SCARF2: variants seen among roughly 807,000 people sequenced by gnomAD.
The protein encoded by SCARF2 is scavenger receptor class F member 2.
Under a neutral mutation model 73.4 loss-of-function variants are expected in SCARF2, and 39 were observed. The observed-to-expected ratio is 0.53, with a 90% CI of 0.41 to 0.69. The LOEUF is 0.69. Among genes scored for constraint, SCARF2 ranks in the 30% least tolerant of loss-of-function variants. SCARF2 has a pLI of 0.00. For missense variants in SCARF2, 1,148 were observed against 1,303.5 expected (o/e 0.88, Z 1.84); for synonymous variants, 605 against 590.0 (o/e 1.03, Z -0.37).
chr22:20,425,833 G>C lies in SCARF2; in HGVS notation c.2143C>G (p.Arg715Gly), dbSNP rs1300880708. ...GGCCGCGGCGTTGGGTCGCGGGTCCGGGGGCTGCCGTGTTCGACCGTATGC... is the reference window on the plus strand; with the variant it reads ...GGCCGCGGCGTTGGGTCGCGGGTCCCGGGGCTGCCGTGTTCGACCGTATGC... ...SAHTVEHGSP[R>G]TRDPTPRPPG... The change falls in exon 11 of 11, where the codon CGG becomes GGG. Residue 715 changes from arginine to glycine, a missense_variant. Physicochemically the swap from Arg to Gly is moderately radical, Grantham distance 125 (BLOSUM62 -2). Around this residue, in one of 5 missense-constraint regions of SCARF2, gnomAD observed 437 missense variants for 433.6 expected, o/e 1.01. Coordinates refer to ENST00000622235, the MANE Select transcript of SCARF2 (RefSeq NM_182895.5). The surrounding 1 kb of genome is among the most constrained non-coding windows in gnomAD (Gnocchi z 4.6). The C allele has an allele frequency of 1.9e-6, 3 of 1,564,064 alleles. No homozygotes were observed. Among genetic ancestry groups the C allele is most frequent in the Admixed American group, 1.8e-5 (1 of 55,794 alleles).
chr22:20,437,314 GAT>G (rs1305939933), intron 1 of SCARF2, among the ~76,000 whole-genome samples: 1 of 152,180 alleles, frequency 6.6e-6, no homozygotes, highest in Non-Finnish European at 1.5e-5. Context: ...GGTCTTTCCT[GAT>G]ATCCCGGACA....
chr22:20,425,380 G>T lies in SCARF2; in HGVS notation c.2596C>A (p.Leu866Met). 1.4e-6 allele frequency: 2 copies of T among 1,424,822 alleles called. No homozygotes were observed. The highest frequency in any genetic ancestry group is 1.8e-6 in the Non-Finnish European group (2 of 1,085,734). 88.3% of individuals were successfully genotyped at this position (1,424,822 alleles called of 1,614,324 possible). A position where few individuals can be genotyped will look rare whatever the true frequency, so the allele number is the denominator to read the frequency against. The change falls in exon 11 of 11, where the codon CTG (leucine) becomes ATG (methionine). Residue 866 changes from leucine (L) to methionine (M), a missense_variant. Around this residue, in one of 5 missense-constraint regions of SCARF2, gnomAD observed 169 missense variants for 136.9 expected, o/e 1.23. Transcript: ENST00000622235. This position sits in a 1 kb window ranked among gnomAD's most constrained non-coding sequence, Gnocchi z 4.6. ...GELGRAGAPT[L>M] ...CGCGGACGAGCCACAGCCTGCTACA[G>T]GGTGGGTGCGCCCGCCCTGCCCAGC...
Position 20,431,797 on chromosome 22 carries a change from C to T in SCARF2, c.282G>A (p.Arg94=). The T allele has an allele frequency of 6.3e-7, 1 of 1,596,348 alleles. No individual in the cohort carries two copies. Among genetic ancestry groups the T allele is most frequent in the Non-Finnish European group, 8.5e-7 (1 of 1,172,738 alleles). The change falls in exon 3 of 11, where the codon AGG becomes AGA. Residue 94 remains arginine, a synonymous_variant. Transcript: ENST00000622235. ...STCSENEVCV[R]PGECRCRHGY... The stretch of plus-strand genomic sequence containing the variant: ...CGTGGCGGCAGCGGCACTCGCCAGG[C>T]CTCACGCACACCTCGTTCTCTGAGC...
At chr22:20,432,497 G>C (rs2052660403) in intron 1 of SCARF2, among the ~76,000 whole-genome samples, 1 of 152,172 alleles carries the variant, frequency 6.6e-6, no homozygotes, top group Non-Finnish European at 1.5e-5. Flanking sequence ...CTCCAGTGGG[G>C]AGGGGCAGCC....
chr22:20,431,076 C>T lies in SCARF2; in HGVS notation c.796G>A (p.Gly266Ser). 6.5e-7 allele frequency: 1 copy of T among 1,547,580 alleles called. No homozygotes were observed. Among genetic ancestry groups the T allele is most frequent in the South Asian group, 1.2e-5 (1 of 85,174 alleles). ...GTCACEPGYR[G>S]KYCREPCPAG... Reference sequence around the variant, plus strand: ...GGGCACGGCTCGCGACAGTACTTGCCGCGGTAGCCCGGCTCGCAGGCACAC... The same window carrying T: ...GGGCACGGCTCGCGACAGTACTTGCTGCGGTAGCCCGGCTCGCAGGCACAC... The change falls in exon 4 of 11, where the codon GGC becomes AGC. Residue 266 changes from glycine (G) to serine (S), a missense_variant. Physicochemically the swap from Gly to Ser is moderately conservative, Grantham distance 56. Around this residue, in one of 5 missense-constraint regions of SCARF2, gnomAD observed 372 missense variants for 532.0 expected, o/e 0.70. Transcript: ENST00000622235.
chr22:20,425,347 G>T lies in SCARF2; in HGVS notation c.*28C>A. 1 of 1,364,878 alleles carries T rather than the reference G, an allele frequency of 7.3e-7. No homozygotes were observed. Among genetic ancestry groups the T allele is most frequent in the African/African-American group, 1.5e-5 (1 of 66,718 alleles). 84.5% of individuals were successfully genotyped at this position (1,364,878 alleles called of 1,614,324 possible). A position where few individuals can be genotyped will look rare whatever the true frequency, so the allele number is the denominator to read the frequency against. On this transcript the variant is annotated 3_prime_UTR_variant, in exon 11 of 11. Transcript: ENST00000622235. This position sits in a 1 kb window ranked among gnomAD's most constrained non-coding sequence, Gnocchi z 4.6. ...GGCGGGCGGCGCTGCGAAGCTGAGG[G>T]AGCTGCGCGCGGACGAGCCACAGCC...
At chr22:20,430,619 C>T in intron 5 of SCARF2, 62 bp from the exon 6 acceptor site, 1 of 1,608,388 alleles carries the variant, frequency 6.2e-7, no homozygotes. Flanking sequence ...GCGCCCTCGA[C>T]ATTGGGGCCT....
intron 1 of SCARF2, 29 bp from the exon 2 acceptor site, chr22:20,432,017 C>G: frequency 1.3e-6 from 2 of 1,594,440 alleles, no homozygotes; most frequent in Non-Finnish European, 1.7e-6. Context: ...CATCTAAGCC[C>G]GATGCCCCTC....
At position 20,425,570 on chromosome 22, in the gene SCARF2, T is replaced by C; in HGVS notation, c.2406A>G (p.Lys802=). The C allele has an allele frequency of 1.5e-6, 2 of 1,342,130 alleles. No individual in the cohort carries two copies. Among genetic ancestry groups the C allele is most frequent in the Non-Finnish European group, 9.5e-7 (1 of 1,051,160 alleles). 83.1% of individuals were successfully genotyped at this position (1,342,130 alleles called of 1,614,324 possible). A position where few individuals can be genotyped will look rare whatever the true frequency, so the allele number is the denominator to read the frequency against. ...AGGCTGGCGGCACGGAGCGCTTGGC[T>C]TTCTGTGGGGGCGCCGGCTTTTCCC... is the stretch of plus-strand genomic sequence containing the variant. ...GPREKPAPPQ[K]AKRSVPPASP... The change falls in exon 11 of 11, where the codon AAA becomes AAG. Residue 802 remains lysine, a synonymous_variant. Coordinates refer to ENST00000622235, the MANE Select transcript of SCARF2 (RefSeq NM_182895.5). The surrounding 1 kb of genome is among the most constrained non-coding windows in gnomAD (Gnocchi z 4.6).
intron 6 of SCARF2, 168 bp from the exon 7 acceptor site, chr22:20,430,001 T>C (rs2052624644): frequency 1.5e-6 from 1 of 686,516 alleles, no homozygotes; most frequent in East Asian, 2.7e-5. Context: ...GTGGCACATA[T>C]TGGGTAGTGG....
At position 20,425,659 on chromosome 22, in the gene SCARF2, C is replaced by G; in HGVS notation, c.2317G>C (p.Glu773Gln). Reference sequence around the variant, plus strand: ...AGGCTGCGAGTCTTGCCGCGCAGCTCAGCGGCCAACATGGAGGCAGCCTCG... The same window carrying G: ...AGGCTGCGAGTCTTGCCGCGCAGCTGAGCGGCCAACATGGAGGCAGCCTCG... ...APEAASMLAAELRGKTRSLGR... is the reference protein window; with the variant it reads ...APEAASMLAAQLRGKTRSLGR... The change falls in exon 11 of 11, where the codon GAG (glutamate) becomes CAG (glutamine). Residue 773 changes from glutamate (E) to glutamine (Q), a missense_variant. Glu to Gln is a conservative substitution (Grantham distance 29). Around this residue, in one of 5 missense-constraint regions of SCARF2, gnomAD observed 46 missense variants for 80.6 expected, o/e 0.57. Transcript: ENST00000622235. This position sits in a 1 kb window ranked among gnomAD's most constrained non-coding sequence, Gnocchi z 4.6. The G allele has an allele frequency of 7.9e-7, 1 of 1,263,840 alleles. No individual in the cohort carries two copies. The highest frequency in any genetic ancestry group is 9.9e-7 in the Non-Finnish European group (1 of 1,006,698). The allele number at this position is 1,263,840 out of a possible 1,614,324, so 78.3% of individuals were successfully genotyped here.
intron 1 of SCARF2, 91 bp downstream of exon 1, chr22:20,437,491 G>T: frequency 7.3e-7 from 1 of 1,369,622 alleles, no homozygotes; most frequent in Non-Finnish European, 9.8e-7. Flanking sequence ...GCGTAGGAAG[G>T]TTCCGGTAGC....
At position 20,425,439 on chromosome 22, in the gene SCARF2, G is replaced by A; in HGVS notation, c.2537C>T (p.Pro846Leu). The A allele has an allele frequency of 7.0e-7, 1 of 1,428,572 alleles. No individual in the cohort carries two copies. The highest frequency in any genetic ancestry group is 9.2e-7 in the Non-Finnish European group (1 of 1,088,940). 88.5% of individuals were successfully genotyped at this position (1,428,572 alleles called of 1,614,324 possible). A position where few individuals can be genotyped will look rare whatever the true frequency, so the allele number is the denominator to read the frequency against. ...TPRKKTPIQK[P>L]PRKKSREAAG... The stretch of plus-strand genomic sequence containing the variant: ...CGCCTCCCGGCTCTTCTTGCGCGGC[G>A]GCTTCTGGATGGGGGTCTTCTTCCG... The change falls in exon 11 of 11, where the codon CCG becomes CTG. Residue 846 changes from proline (P) to leucine (L), a missense_variant. Physicochemically the swap from Pro to Leu is moderately conservative, Grantham distance 98. Around this residue, in one of 5 missense-constraint regions of SCARF2, gnomAD observed 169 missense variants for 136.9 expected, o/e 1.23. Transcript: ENST00000622235. The surrounding 1 kb of genome is among the most constrained non-coding windows in gnomAD (Gnocchi z 4.6).
In SCARF2 at chr22:20,425,563, G is replaced by C. The variant is rs2052563876; in HGVS notation, c.2413C>G (p.Arg805Gly). 12 of 1,342,742 alleles carry C rather than the reference G, an allele frequency of 8.9e-6. No individual in the cohort carries two copies. The highest frequency in any genetic ancestry group is 1.5e-5 in the African/African-American group (1 of 65,170). 83.2% of individuals were successfully genotyped at this position (1,342,742 alleles called of 1,614,324 possible). ...GCGGGCGAGGCTGGCGGCACGGAGC[G>C]CTTGGCTTTCTGTGGGGGCGCCGGC... is the stretch of plus-strand genomic sequence containing the variant. Reference protein sequence around the residue: ...EKPAPPQKAKRSVPPASPARA... With the variant: ...EKPAPPQKAKGSVPPASPARA... The change falls in exon 11 of 11, where the codon CGC becomes GGC. Residue 805 changes from arginine to glycine, a missense_variant. Arg to Gly is a moderately radical substitution (Grantham distance 125, BLOSUM62 -2). Around this residue, in one of 5 missense-constraint regions of SCARF2, gnomAD observed 169 missense variants for 136.9 expected, o/e 1.23. Coordinates refer to ENST00000622235, the MANE Select transcript of SCARF2 (RefSeq NM_182895.5). This position sits in a 1 kb window ranked among gnomAD's most constrained non-coding sequence, Gnocchi z 4.6.
In SCARF2 at chr22:20,429,165, C is replaced by G; in HGVS notation, c.1540+60G>C. On this transcript the variant is annotated intron_variant, in intron 9 of 10. Coordinates refer to ENST00000622235, the MANE Select transcript of SCARF2 (RefSeq NM_182895.5). This position sits in a 1 kb window ranked among gnomAD's most constrained non-coding sequence, Gnocchi z 5.2. Reference sequence around the variant, plus strand: ...GATCTGGACCCCCTCACACCCATTTCCCAGCAGCTTCCTGCGTCGAGAGGT... The same window carrying G: ...GATCTGGACCCCCTCACACCCATTTGCCAGCAGCTTCCTGCGTCGAGAGGT... The G allele has an allele frequency of 6.2e-7, 1 of 1,610,200 alleles. No individual in the cohort carries two copies. The highest frequency in any genetic ancestry group is 1.1e-5 in the South Asian group (1 of 90,770).
At chr22:20,436,732 C>T (rs2052704348) in intron 1 of SCARF2, among the ~76,000 whole-genome samples, 1 of 152,176 alleles carries the variant, frequency 6.6e-6, no homozygotes, top group Non-Finnish European at 1.5e-5. Flanking sequence ...CGCTCCTCAC[C>T]CCTGCGTGGA....
Position 20,425,398 on chromosome 22 carries a change from T to C in SCARF2, c.2578A>G (p.Arg860Gly), listed in dbSNP as rs771079357. The change falls in exon 11 of 11, where the codon AGG becomes GGG. Residue 860 changes from arginine to glycine, a missense_variant. By Grantham distance (125) the Arg-to-Gly change is moderately radical (BLOSUM62 -2). This residue lies in a region of SCARF2 where 169 missense variants were observed against 136.9 expected (regional missense o/e 1.23). Coordinates refer to ENST00000622235, the MANE Select transcript of SCARF2 (RefSeq NM_182895.5). The surrounding 1 kb of genome is among the most constrained non-coding windows in gnomAD (Gnocchi z 4.6). ...TGCTACAGGGTGGGTGCGCCCGCCC[T>C]GCCCAGCTCGCCCGCCGCCTCCCGG... is the stretch of plus-strand genomic sequence containing the variant. ...KSREAAGELG[R>G]AGAPTL The C allele has an allele frequency of 2.8e-6, 4 of 1,429,344 alleles. No individual in the cohort carries two copies. Among genetic ancestry groups the C allele is most frequent in the East Asian group, 2.8e-5 (1 of 35,528 alleles). 88.5% of individuals were successfully genotyped at this position (1,429,344 alleles called of 1,614,324 possible). A position where few individuals can be genotyped will look rare whatever the true frequency, so the allele number is the denominator to read the frequency against.
chr22:20,428,952 C>T lies in SCARF2; in HGVS notation c.1540+273G>A, dbSNP rs541649761. ...AGCCTGCGGGACCCAGATGTCCACA[C>T]ACCCCTGATGCGATCACTCTCAGGG... On this transcript the variant is annotated intron_variant, in intron 9 of 10. Transcript: ENST00000622235. Among the ~76,000 whole-genome samples the T allele has an allele frequency of 4.7e-4, 71 of 152,264 alleles. 2 individuals are homozygous for T. The highest frequency in any genetic ancestry group is 8.8e-5 in the Non-Finnish European group (6 of 68,020).
intron 1 of SCARF2, among the ~76,000 whole-genome samples, chr22:20,436,965 G>A (rs1284980953): frequency 6.6e-6 from 1 of 152,076 alleles, no homozygotes; most frequent in African/African-American, 2.4e-5. Flanking sequence ...CCTGGTTGTC[G>A]CCAGGGTTCC....
Sources: allele counts gnomAD v4.1 joint callset (sites outside exome capture counted in the v4.1 genomes callset), GRCh38; gene constraint gnomAD v4.1.1; regional missense constraint gnomAD v4.1.1; non-coding constraint Gnocchi (gnomAD v3.1); transcripts MANE v1.5; gene names NCBI Gene and HGNC (gene_info 2026-07-23, HGNC 2026-07-21).